Variants in CAPN2 observed in about 807,000 individuals in gnomAD.
CAPN2 encodes the protein calpain 2, also known as calpain-2 catalytic subunit.
A neutral mutation model predicts 102.3 loss-of-function variants in CAPN2; 92 were observed. The ratio of observed to expected loss-of-function variants is 0.90; its 90% CI spans 0.76 to 1.07. CAPN2 has a LOEUF of 1.07. Ranked by LOEUF, CAPN2 falls within the 50% of genes least tolerant of loss-of-function variation. The probability of loss-of-function intolerance (pLI) is 0.00; values close to 1 mark genes in which losing one functional copy is unlikely to be tolerated. For missense variants in CAPN2, 800 were observed against 909.4 expected (o/e 0.88, Z 1.55); for synonymous variants, 340 against 355.4 (o/e 0.96, Z 0.49).
Position 223,752,666 on chromosome 1 carries a change from G to C in CAPN2, c.975-130G>C, listed in dbSNP as rs1571808193. 6 of 735,426 alleles carry C rather than the reference G, an allele frequency of 8.2e-6. No individual in the cohort carries two copies. The East Asian group carries it at 1.6e-4, about 20-fold the overall frequency. 45.6% of individuals were successfully genotyped at this position (735,426 alleles called of 1,614,324 possible). A position where few individuals can be genotyped will look rare whatever the true frequency, so the allele number is the denominator to read the frequency against. On this transcript the variant is annotated intron_variant, in intron 8 of 20. Transcript: ENST00000295006. ...TGGGCCTTCTGATTCTGAACCTGGT[G>C]CCCATCCACTCAGTTCTAATGAGCT...
In CAPN2 at chr1:223,759,943, T is replaced by C. The variant is rs917624222; in HGVS notation, c.1529+462T>C. ...GAACCTCTCCCTATTATAGTTGTCA[T>C]GTCACCAGCTCTCTCTCCCCTTCCT... is the stretch of plus-strand genomic sequence containing the variant. On this transcript the variant is annotated intron_variant, in intron 12 of 20. Transcript: ENST00000295006. This position sits in a 1 kb window ranked among gnomAD's most constrained non-coding sequence, Gnocchi z 4.6. 6.6e-6 allele frequency among the ~76,000 whole-genome samples: 1 copy of C among 152,118 alleles called. No individual in the cohort carries two copies. Among genetic ancestry groups the C allele is most frequent in the Middle Eastern group, 3.2e-3 (1 of 316 alleles).
chr1:223,770,362 T>C, intron 17 of CAPN2, 85 bp from the exon 18 acceptor site: 1 of 838,814 alleles, frequency 1.2e-6, no homozygotes, highest in Non-Finnish European at 2.0e-6. Flanking sequence ...TGGAAAAACT[T>C]CATCCCCACT....
chr1:223,709,661 C>CAAAAAAAAAAAA (rs779362608), upstream of CAPN2, among the ~76,000 whole-genome samples: 2 of 137,856 alleles, frequency 1.5e-5, no homozygotes, highest in East Asian at 4.5e-4. Context: ...AACTCCATCT[C>CAAAAAAAAAAAA]AAAAAAAAAA....
upstream of CAPN2, among the ~76,000 whole-genome samples, chr1:223,711,209 G>A (rs1221803858): frequency 1.3e-5 from 2 of 152,176 alleles, no homozygotes; most frequent in African/African-American, 4.8e-5. Flanking sequence ...ACTGCCCCCA[G>A]TTGAGAACCA....
intron 5 of CAPN2, 77 bp from the exon 6 acceptor site, chr1:223,748,962 G>A: frequency 2.2e-6 from 3 of 1,374,324 alleles, no homozygotes; most frequent in Non-Finnish European, 3.1e-6. Context: ...CCGCCCGGCA[G>A]TAGGACAGAG....
At chr1:223,766,858 G>A (rs1661348977) in intron 16 of CAPN2, among the ~76,000 whole-genome samples, 1 of 152,066 alleles carries the variant, frequency 6.6e-6, no homozygotes, top group South Asian at 2.1e-4. Flanking sequence ...TACTCAGGAG[G>A]CTGAGGCAGG....
chr1:223,714,896 C>G (rs990325286), intron 1 of CAPN2, among the ~76,000 whole-genome samples: 13 of 152,218 alleles, frequency 8.5e-5, no homozygotes, highest in Admixed American at 3.9e-4. Context: ...ATGTAGAGGT[C>G]TAGAGATGAT....
rs772650129 is a variant in CAPN2 at position 223,753,004 on chromosome 1, G to A, written c.1135+48G>A. On this transcript the variant is annotated intron_variant, in intron 9 of 20. Coordinates refer to ENST00000295006, the MANE Select transcript of CAPN2 (RefSeq NM_001748.5). ...GCTGTTGCAATGCGGGGCCACCAAAGGCCAAAGCTCCCCTTACCCCACCCT... is the reference window on the plus strand; with the variant it reads ...GCTGTTGCAATGCGGGGCCACCAAAAGCCAAAGCTCCCCTTACCCCACCCT... 6 of 1,586,908 alleles carry A rather than the reference G, an allele frequency of 3.8e-6. No homozygotes were observed. The East Asian group carries it at 1.1e-4, about 30-fold the overall frequency.
chr1:223,736,911 G>A (rs2102789326), intron 2 of CAPN2, among the ~76,000 whole-genome samples: 1 of 152,214 alleles, frequency 6.6e-6, no homozygotes, highest in East Asian at 1.9e-4. Flanking sequence ...GGGCATGGTG[G>A]TATGTGCTTG....
chr1:223,737,924 C>T (rs562775605), intron 2 of CAPN2, among the ~76,000 whole-genome samples: 37 of 152,102 alleles, frequency 2.4e-4, no homozygotes, highest in Non-Finnish European at 1.0e-4. Context: ...ACTGTGCCCC[C>T]AGGGGAGCAC....
chr1:223,711,156 T>A (rs1333821664), upstream of CAPN2, among the ~76,000 whole-genome samples: 1 of 152,156 alleles, frequency 6.6e-6, no homozygotes, highest in African/African-American at 2.4e-5. Flanking sequence ...AAAAACTATC[T>A]CCAGACATTC....
chr1:223,763,598 C>T (rs1252581978), intron 14 of CAPN2, among the ~76,000 whole-genome samples: 1 of 152,138 alleles, frequency 6.6e-6, no homozygotes, highest in Non-Finnish European at 1.5e-5. Context: ...CTGGTTTTCA[C>T]CAGTTTTACA....
chr1:223,703,302 C>A (rs924255871), intron 1 of CAPN2, among the ~76,000 whole-genome samples: 1 of 149,194 alleles, frequency 6.7e-6, no homozygotes, highest in Non-Finnish European at 1.5e-5. Flanking sequence ...TAAATATGTG[C>A]AAAGCATTTG....
At chr1:223,761,475 C>A in intron 12 of CAPN2, 106 bp from the exon 13 acceptor site, 1 of 867,856 alleles carries the variant, frequency 1.2e-6, no homozygotes, top group East Asian at 2.6e-5. Context: ...CCCCACCCCA[C>A]CTACCCCCTG....
chr1:223,744,166 T>TC lies in CAPN2; in HGVS notation c.379dup (p.Leu127ProfsTer30). The stretch of plus-strand genomic sequence containing the variant: ...AATGAAGAAATCCTGGCTCGAGTCG[T>TC]CCCCCTAAACCAGAGCTTCCAGGAA... On this transcript the variant is annotated frameshift_variant, in exon 3 of 21. Transcript: ENST00000295006. LOFTEE classifies it high-confidence loss of function. The TC allele has an allele frequency of 6.2e-7, 1 of 1,614,000 alleles. No homozygotes were observed. The highest frequency in any genetic ancestry group is 2.2e-5 in the East Asian group (1 of 44,878).
chr1:223,704,928 C>G (rs1284530223), intron 1 of CAPN2, among the ~76,000 whole-genome samples: 1 of 152,184 alleles, frequency 6.6e-6, no homozygotes, highest in Non-Finnish European at 1.5e-5. Flanking sequence ...TATGTCACAG[C>G]AGGATGGGTA....
chr1:223,728,771 G>A (rs1660260913), intron 2 of CAPN2, among the ~76,000 whole-genome samples: 1 of 152,158 alleles, frequency 6.6e-6, no homozygotes, highest in Non-Finnish European at 1.5e-5. Context: ...AGTAGTGAAG[G>A]ACTTCACAAG....
rs561702345 is a variant in CAPN2 at position 223,755,886 on chromosome 1, G to A, written c.1305+237G>A. Reference sequence around the variant, plus strand: ...TTCACGGGCCCCCCACAGCCAGCCTGCAGGGAGTTCCACTCTCAAATGGCC... The same window carrying A: ...TTCACGGGCCCCCCACAGCCAGCCTACAGGGAGTTCCACTCTCAAATGGCC... On this transcript the variant is annotated intron_variant, in intron 10 of 20. Coordinates refer to ENST00000295006, the MANE Select transcript of CAPN2 (RefSeq NM_001748.5). The surrounding 1 kb of genome is among the most constrained non-coding windows in gnomAD (Gnocchi z 4.1). Among the ~76,000 whole-genome samples the A allele has an allele frequency of 6.6e-6, 1 of 152,372 alleles. No homozygotes were observed. Among genetic ancestry groups the A allele is most frequent in the South Asian group, 2.1e-4 (1 of 4,832 alleles).
chr1:223,736,062 C>T (rs1010308714), intron 2 of CAPN2, among the ~76,000 whole-genome samples: 4 of 152,164 alleles, frequency 2.6e-5, no homozygotes, highest in African/African-American at 9.7e-5. Flanking sequence ...ACAGGGTGAG[C>T]CACCGCACCC....
Sources: allele counts gnomAD v4.1 joint callset (sites outside exome capture counted in the v4.1 genomes callset), GRCh38; gene constraint gnomAD v4.1.1; non-coding constraint Gnocchi (gnomAD v3.1); transcripts MANE v1.5; gene names NCBI Gene and HGNC (gene_info 2026-07-23, HGNC 2026-07-21).